The following NPAS2 variants were observed in gnomAD, a reference collection of about 807,000 sequenced individuals.
The protein encoded by NPAS2 is neuronal PAS domain protein 2.
NPAS2 carries 23 observed loss-of-function variants against 107.5 expected under a neutral mutation model. The observed-to-expected ratio is 0.21, with a 90% confidence interval of 0.15 to 0.30. The LOEUF is 0.30. Among genes scored for constraint, NPAS2 ranks in the 10% least tolerant of loss-of-function variants. The pLI is 1.00. For synonymous variants in NPAS2, 403 were observed against 417.5 expected (o/e 0.97, Z 0.42); for missense variants, 756 against 1,043.3 (o/e 0.72, Z 3.79).
intron 16 of NPAS2, chr2:100,985,976 G>A (rs914633561): frequency 3.3e-5 from 5 of 152,152 alleles, no homozygotes; most frequent in Admixed American, 6.5e-5. Context: ...CCAGAAAAAC[G>A]CATGGTAATT....
chr2:100,951,479 C>T (rs1256088965), intron 7 of NPAS2, among the ~76,000 whole-genome samples: 6 of 152,204 alleles, frequency 3.9e-5, no homozygotes, highest in African/African-American at 1.4e-4. Context: ...GTGATATATA[C>T]ATGCACTGGA....
chr2:100,930,655 T>C (rs181911661), intron 3 of NPAS2, among the ~76,000 whole-genome samples: 2 of 152,304 alleles, frequency 1.3e-5, no homozygotes, highest in East Asian at 3.9e-4. Flanking sequence ...GAACCTTAAC[T>C]TCCAAGGAGT....
At chr2:100,941,817 C>A (rs1053205233) in intron 5 of NPAS2, among the ~76,000 whole-genome samples, 4 of 152,088 alleles carry the variant, frequency 2.6e-5, no homozygotes, top group African/African-American at 9.7e-5. Context: ...TAGGCATAAT[C>A]TGTGTTTCCT....
intron 1 of NPAS2, among the ~76,000 whole-genome samples, chr2:100,839,957 T>C (rs1677291494): frequency 6.6e-6 from 1 of 152,214 alleles, no homozygotes; most frequent in Admixed American, 6.5e-5. Flanking sequence ...ACTTGAAAAT[T>C]GCTCATGGTT....
At chr2:100,978,840 G>A (rs1405433239) in intron 15 of NPAS2, among the ~76,000 whole-genome samples, 1 of 152,186 alleles carries the variant, frequency 6.6e-6, no homozygotes, top group Non-Finnish European at 1.5e-5. Flanking sequence ...AAGGTGGGTA[G>A]GAGGTTGCCA....
At chr2:100,979,500 ATATTTTTTTTTT>A (rs1428494660) in intron 15 of NPAS2, among the ~76,000 whole-genome samples, 11 of 50,078 alleles carry the variant, frequency 2.2e-4, no homozygotes, top group African/African-American at 1.2e-3. Flanking sequence ...ATATATATAT[ATATTTTTTTTTT>A]TTTTTTTTTT....
chr2:100,880,478 C>A (rs1024024147), intron 1 of NPAS2, among the ~76,000 whole-genome samples: 1 of 152,012 alleles, frequency 6.6e-6, no homozygotes, highest in Non-Finnish European at 1.5e-5. Context: ...CTGAAATATG[C>A]CCGAATGTGG....
chr2:100,823,543 T>A (rs1459188136), intron 1 of NPAS2: 3 of 152,190 alleles, frequency 2.0e-5, no homozygotes, highest in African/African-American at 7.2e-5. Context: ...GGGGCCCTTG[T>A]CAAACACAGA....
intron 5 of NPAS2, among the ~76,000 whole-genome samples, chr2:100,945,373 G>A (rs1322292216): frequency 6.6e-6 from 1 of 152,166 alleles, no homozygotes; most frequent in East Asian, 1.9e-4. Flanking sequence ...CCCTCAGCAA[G>A]TATTGTTTGG....
In NPAS2 at chr2:100,846,364, G is replaced by A. The variant is rs576547874; in HGVS notation, c.-23+25950G>A. On this transcript the variant is annotated intron_variant, in intron 1 of 20. Transcript: ENST00000335681. ...TATAAATAAACTCTAAAAATGTGAT[G>A]TTGGGTTTTGAAAGACATCTGTAAT... 3.0e-4 allele frequency among the ~76,000 whole-genome samples: 46 copies of A among 152,322 alleles called. No individual in the cohort carries two copies. In the South Asian group the frequency reaches 9.3e-3, roughly 31 times the overall value.
intron 5 of NPAS2, among the ~76,000 whole-genome samples, chr2:100,945,887 C>G (rs115424759): frequency 0.021 from 3,196 of 152,304 alleles, 44 homozygotes; most frequent in Non-Finnish European, 0.031. Flanking sequence ...CTCCGGGCAC[C>G]TTGTTTTAAT....
At chr2:100,885,324 T>A (rs1188325397) in intron 1 of NPAS2, among the ~76,000 whole-genome samples, 1 of 152,198 alleles carries the variant, frequency 6.6e-6, no homozygotes, top group Non-Finnish European at 1.5e-5. Flanking sequence ...AACAGAAAAA[T>A]TTTTAATGTT....
chr2:100,979,106 C>G (rs1274906014), intron 15 of NPAS2, among the ~76,000 whole-genome samples: 1 of 152,168 alleles, frequency 6.6e-6, no homozygotes, highest in Admixed American at 6.5e-5. Flanking sequence ...GTGGGGGTCT[C>G]TCATGCATTC....
Position 100,820,962 on chromosome 2 carries a change from C to T in NPAS2, c.-23+548C>T. 2 of 1,084,216 alleles carry T rather than the reference C, an allele frequency of 1.8e-6. No individual in the cohort carries two copies. Among genetic ancestry groups the T allele is most frequent in the Non-Finnish European group, 1.2e-6 (1 of 814,972 alleles). The allele number at this position is 1,084,216 out of a possible 1,614,324, so 67.2% of individuals were successfully genotyped here. A position where few individuals can be genotyped will look rare whatever the true frequency, so the allele number is the denominator to read the frequency against. On this transcript the variant is annotated intron_variant, in intron 1 of 20. Transcript: ENST00000335681. The surrounding 1 kb of genome is among the most constrained non-coding windows in gnomAD (Gnocchi z 5.6). The stretch of plus-strand genomic sequence containing the variant: ...CCCCAACCCCCGTGTGCGCAGACAG[C>T]GTGCAGCCTGGCTCCTCACGTCGCT...
intron 2 of NPAS2, among the ~76,000 whole-genome samples, chr2:100,908,360 T>C (rs576328636): frequency 6.6e-6 from 1 of 152,218 alleles, no homozygotes; most frequent in Admixed American, 6.5e-5. Flanking sequence ...CTCCAAGCCT[T>C]ACAACACCTC....
Position 100,924,598 on chromosome 2 carries a change from C to G in NPAS2, c.33-548C>G, listed in dbSNP as rs6712820. On this transcript the variant is annotated intron_variant, in intron 2 of 20. Coordinates refer to ENST00000335681, the MANE Select transcript of NPAS2 (RefSeq NM_002518.4). ...AGCCATGGTGCAGTACCTGTCATAC[C>G]TCTGCCCTGGGTCTGTACAGCCCTG... Among the ~76,000 whole-genome samples, 691 of 152,340 alleles carry G rather than the reference C, an allele frequency of 4.5e-3. 7 individuals carry two copies. Among genetic ancestry groups the G allele is most frequent in the African/African-American group, 0.014 (585 of 41,586 alleles).
chr2:100,842,081 G>GCGCGCACACACACACACA, intron 1 of NPAS2, among the ~76,000 whole-genome samples: 71 of 148,896 alleles, frequency 4.8e-4, no homozygotes, highest in Non-Finnish European at 1.2e-4. Context: ...GCATGTACGC[G>GCGCGCACACACACACACA]CACACACACA....
chr2:100,869,927 T>C (rs906447957), intron 1 of NPAS2, among the ~76,000 whole-genome samples: 7 of 125,168 alleles, frequency 5.6e-5, no homozygotes, highest in Non-Finnish European at 9.8e-5. Context: ...TTTTTTGAGA[T>C]GGAGTCTCGC....
Position 100,852,177 on chromosome 2 carries a change from A to C in NPAS2, c.-23+31763A>C, listed in dbSNP as rs528844857. Among the ~76,000 whole-genome samples, 98 of 152,180 alleles carry C rather than the reference A, an allele frequency of 6.4e-4. 2 individuals carry two copies. In the South Asian group the frequency reaches 0.02, roughly 31 times the overall value. On this transcript the variant is annotated intron_variant, in intron 1 of 20. Coordinates refer to ENST00000335681, the MANE Select transcript of NPAS2 (RefSeq NM_002518.4). ...TTTGGGAGGTCAAGGCGGGCGGATC[A>C]CGAGGTCAGGAGATCAAGACCATCC...
Sources: gnomAD v4.1 joint callset for allele counts (sites outside exome capture counted in the v4.1 genomes callset) on GRCh38, gnomAD v4.1.1 for gene constraint, Gnocchi (gnomAD v3.1) non-coding constraint, MANE v1.5 for transcripts, NCBI Gene and HGNC (gene_info 2026-07-23, HGNC 2026-07-21) for gene names.